The following NCOA3 variants were observed in gnomAD, a reference collection of about 807,000 sequenced individuals.
The protein encoded by NCOA3 is CBP-interacting protein.
Under a neutral mutation model 158.8 loss-of-function variants are expected in NCOA3, and 51 were observed. The ratio of observed to expected loss-of-function variants is 0.32; its 90% CI spans 0.26 to 0.41. The LOEUF is 0.41. Among genes scored for constraint, NCOA3 ranks in the 10% least tolerant of loss-of-function variants. The pLI is 1.00. For synonymous variants in NCOA3, 537 were observed against 592.4 expected (o/e 0.91, Z 1.36); for missense variants, 1,510 against 1,746.6 (o/e 0.86, Z 2.41).
rs766172246 is a variant in NCOA3, at chr20:47,656,788, T to G, written c.*3371T>G. 1.3e-5 allele frequency: 2 copies of G among 152,348 alleles called. No individual in the cohort carries two copies. Among genetic ancestry groups the G allele is most frequent in the African/African-American group, 2.4e-5 (1 of 41,394 alleles). The allele number at this position is 152,348 out of a possible 1,614,324, so 9.4% of individuals were successfully genotyped here. ...TATCTTGCAAAGAATTGAAACCACA[T>G]GAAATGACTTATGGGGGATGGTGAG... On this transcript the variant is annotated 3_prime_UTR_variant, in exon 23 of 23. Transcript: ENST00000371998.
At chr20:47,555,023 G>T (rs1357382128) in intron 1 of NCOA3, among the ~76,000 whole-genome samples, 2 of 152,064 alleles carry the variant, frequency 1.3e-5, no homozygotes, top group Non-Finnish European at 2.9e-5. Flanking sequence ...TAGACCAATG[G>T]AACAGAACAG....
intron 13 of NCOA3, among the ~76,000 whole-genome samples, chr20:47,638,199 T>C (rs1224045724): frequency 3.3e-5 from 5 of 152,236 alleles, no homozygotes. Context: ...CTTTGGTGTT[T>C]GCTGGTTCTT....
intron 1 of NCOA3, among the ~76,000 whole-genome samples, chr20:47,568,374 A>G (rs971506308): frequency 1.4e-4 from 22 of 152,238 alleles, no homozygotes; most frequent in African/African-American, 4.8e-4. Context: ...CCATTGTGAT[A>G]AAATGAATAT....
At chr20:47,577,875 G>T (rs978334350) in intron 1 of NCOA3, among the ~76,000 whole-genome samples, 4 of 152,172 alleles carry the variant, frequency 2.6e-5, no homozygotes, top group African/African-American at 9.7e-5. Context: ...TATTAAATAT[G>T]TAGAATACAT....
chr20:47,631,023 A>G (rs1222142884), intron 8 of NCOA3: 1 of 152,232 alleles, frequency 6.6e-6, no homozygotes, highest in African/African-American at 2.4e-5. Context: ...ACCATGGAGC[A>G]TATTTTGTCA....
chr20:47,526,513 C>T (rs1368277852), intron 1 of NCOA3, among the ~76,000 whole-genome samples: 2 of 152,262 alleles, frequency 1.3e-5, no homozygotes, highest in Non-Finnish European at 2.9e-5. Context: ...AATCCCTGCA[C>T]CTCGGGAGGC....
intron 1 of NCOA3, among the ~76,000 whole-genome samples, chr20:47,540,597 A>G (rs866018360): frequency 6.6e-6 from 1 of 151,582 alleles, no homozygotes; most frequent in East Asian, 1.9e-4. Context: ...AAATTCAAAT[A>G]TCTTTGTATT....
At chr20:47,605,731 A>G (rs1317483957) in intron 2 of NCOA3, among the ~76,000 whole-genome samples, 1 of 152,058 alleles carries the variant, frequency 6.6e-6, no homozygotes, top group Non-Finnish European at 1.5e-5. Flanking sequence ...CCCCTCTGTC[A>G]TGGTCCACAA....
chr20:47,650,526 C>T (rs2086765602), intron 19 of NCOA3, among the ~76,000 whole-genome samples: 1 of 151,236 alleles, frequency 6.6e-6, no homozygotes. Flanking sequence ...GCTGGGATTA[C>T]AGGCGTAAGC....
At chr20:47,651,892 T>G (rs545328618) in intron 20 of NCOA3, among the ~76,000 whole-genome samples, 1 of 152,004 alleles carries the variant, frequency 6.6e-6, no homozygotes, top group South Asian at 2.1e-4. Context: ...GGTCTCGATC[T>G]CCTGACCTCG....
chr20:47,565,431 AG>A (rs1190775196), intron 1 of NCOA3, among the ~76,000 whole-genome samples: 1 of 152,166 alleles, frequency 6.6e-6, no homozygotes, highest in Non-Finnish European at 1.5e-5. Flanking sequence ...TAGGTAGGGC[AG>A]GGCTGGGCAC....
intron 18 of NCOA3, among the ~76,000 whole-genome samples, 163 bp downstream of exon 18, chr20:47,647,529 A>AG (rs2086709272): frequency 2.0e-5 from 3 of 152,188 alleles, no homozygotes; most frequent in African/African-American, 7.2e-5. Flanking sequence ...CTCCTTGTTA[A>AG]GGAGTAGTTT....
intron 1 of NCOA3, among the ~76,000 whole-genome samples, chr20:47,561,892 A>G (rs573884160): frequency 3.3e-5 from 5 of 152,292 alleles, no homozygotes; most frequent in South Asian, 2.1e-4. Context: ...TCACTACCCT[A>G]AAAAATCTAT....
intron 6 of NCOA3, 68 bp from the exon 7 acceptor site, chr20:47,627,493 A>T: frequency 4.0e-6 from 5 of 1,258,264 alleles, no homozygotes; most frequent in Non-Finnish European, 5.6e-6. Flanking sequence ...TGCAGCTTGA[A>T]TTCTTGATGA....
chr20:47,536,121 T>C (rs976426518), intron 1 of NCOA3, among the ~76,000 whole-genome samples: 2 of 152,198 alleles, frequency 1.3e-5, no homozygotes, highest in Non-Finnish European at 2.9e-5. Context: ...GGCAACTTTT[T>C]GGGTGCGTAA....
intron 1 of NCOA3, among the ~76,000 whole-genome samples, chr20:47,532,886 T>G (rs1354893220): frequency 1.3e-5 from 2 of 151,714 alleles, no homozygotes; most frequent in East Asian, 3.9e-4. Flanking sequence ...GGCGGATCAC[T>G]TGAGGTCAGA....
intron 1 of NCOA3, among the ~76,000 whole-genome samples, chr20:47,553,496 C>T (rs2084953721): frequency 6.6e-6 from 1 of 151,414 alleles, no homozygotes; most frequent in South Asian, 2.1e-4. Context: ...GTGCTGCACC[C>T]ATTAACTTGT....
At chr20:47,511,550 T>TATATATATATATATATACATACACACAC in intron 1 of NCOA3, among the ~76,000 whole-genome samples, 42 of 52,262 alleles carry the variant, frequency 8.0e-4, no homozygotes, top group African/African-American at 2.2e-3. Flanking sequence ...TATATATATA[T>TATATATATATATATATACATACACACAC]ATATATTTCT....
intron 1 of NCOA3, among the ~76,000 whole-genome samples, chr20:47,565,888 T>G (rs1331193561): frequency 6.6e-6 from 1 of 152,218 alleles, no homozygotes; most frequent in Non-Finnish European, 1.5e-5. Flanking sequence ...AAAGTGATGT[T>G]GTATACTAGC....
Sources: allele counts gnomAD v4.1 joint callset (sites outside exome capture counted in the v4.1 genomes callset), GRCh38; gene constraint gnomAD v4.1.1; transcripts MANE v1.5; gene names NCBI Gene and HGNC (gene_info 2026-07-23, HGNC 2026-07-21).